Variants in SERGEF observed in about 807,000 individuals in gnomAD.
The protein encoded by SERGEF is secretion regulating guanine nucleotide exchange factor.
A neutral mutation model predicts 50.0 loss-of-function variants in SERGEF; 51 were observed. That is an observed-to-expected ratio of 1.02 (90% CI 0.81 to 1.29). The LOEUF (loss-of-function observed/expected upper bound fraction) is 1.29. Ranked by LOEUF, SERGEF falls within the 50% of genes most tolerant of loss-of-function variation. The pLI is 0.00. For missense variants in SERGEF, 521 were observed against 557.0 expected, an observed-to-expected ratio of 0.94 and a Z score of 0.65; for synonymous variants, 205 against 212.4, an observed-to-expected ratio of 0.97 and a Z score of 0.30.
At chr11:17,850,724 C>G (rs1850695721) in intron 10 of SERGEF, among the ~76,000 whole-genome samples, 1 of 152,204 alleles carries the variant, frequency 6.6e-6, no homozygotes, top group Non-Finnish European at 1.5e-5. Flanking sequence ...TCATGGCTCC[C>G]TGGGATATTT....
At chr11:18,010,072 T>C (rs182372044) in intron 1 of SERGEF, 583 of 1,177,466 alleles carry the variant, frequency 5.0e-4, no homozygotes, top group Non-Finnish European at 6.2e-4. Flanking sequence ...TTCAAGTACC[T>C]ACTCCTAGCT....
At chr11:17,867,061 G>A (rs972734981) in intron 10 of SERGEF, among the ~76,000 whole-genome samples, 7 of 152,120 alleles carry the variant, frequency 4.6e-5, no homozygotes, top group South Asian at 2.1e-4. Flanking sequence ...ATATCATTCT[G>A]CCCCTGGCCC....
At chr11:17,971,533 A>G (rs1324990865) in intron 8 of SERGEF, among the ~76,000 whole-genome samples, 1 of 152,208 alleles carries the variant, frequency 6.6e-6, no homozygotes, top group Non-Finnish European at 1.5e-5. Flanking sequence ...ACATCTGTTT[A>G]TAGCATGGTT....
At chr11:17,961,099 T>C (rs781669219) in intron 8 of SERGEF, among the ~76,000 whole-genome samples, 10 of 152,186 alleles carry the variant, frequency 6.6e-5, no homozygotes, top group African/African-American at 1.7e-4. Flanking sequence ...ACCTTTATCA[T>C]TGTACTCATC....
chr11:17,823,253 G>A (rs912447296), intron 10 of SERGEF, among the ~76,000 whole-genome samples: 1 of 152,162 alleles, frequency 6.6e-6, no homozygotes, highest in Non-Finnish European at 1.5e-5. Context: ...AGACCACAGA[G>A]GTGAAGTGTC....
intron 9 of SERGEF, among the ~76,000 whole-genome samples, chr11:17,885,340 G>T (rs557577697): frequency 6.6e-6 from 1 of 152,234 alleles, no homozygotes; most frequent in Non-Finnish European, 1.5e-5. Context: ...TTTGTTTTTA[G>T]AGACAGGGTC....
At chr11:17,805,172 T>C (rs186345774) in intron 10 of SERGEF, among the ~76,000 whole-genome samples, 1 of 152,338 alleles carries the variant, frequency 6.6e-6, no homozygotes, top group Non-Finnish European at 1.5e-5. Context: ...TCCATGGCAG[T>C]GTGGGGCTGA....
At chr11:17,840,868 G>A (rs928652276) in intron 10 of SERGEF, among the ~76,000 whole-genome samples, 1 of 152,254 alleles carries the variant, frequency 6.6e-6, no homozygotes, top group Non-Finnish European at 1.5e-5. Flanking sequence ...TTGACATTGT[G>A]TCTACCATAT....
At chr11:17,821,989 C>G (rs1850095064) in intron 10 of SERGEF, among the ~76,000 whole-genome samples, 2 of 152,172 alleles carry the variant, frequency 1.3e-5, no homozygotes, top group Non-Finnish European at 2.9e-5. Flanking sequence ...CAGAAATAAG[C>G]CTACAGGATC....
intron 1 of SERGEF, chr11:18,012,728 C>T (rs1220880982): frequency 3.0e-6 from 4 of 1,330,738 alleles, no homozygotes; most frequent in Middle Eastern, 2.6e-4. Context: ...CCGGCCCTGA[C>T]CCCGCCAGCC....
At chr11:17,964,495 TC>T (rs1853078545) in intron 8 of SERGEF, among the ~76,000 whole-genome samples, 1 of 152,180 alleles carries the variant, frequency 6.6e-6, no homozygotes, top group Non-Finnish European at 1.5e-5. Flanking sequence ...TAGAGGATCA[TC>T]CATATTTTCT....
chr11:17,924,749 T>C (rs1852219154), intron 9 of SERGEF, among the ~76,000 whole-genome samples: 1 of 151,978 alleles, frequency 6.6e-6, no homozygotes, highest in African/African-American at 2.4e-5. Flanking sequence ...AGAAACTGAG[T>C]CTCAGAAAAA....
intron 10 of SERGEF, among the ~76,000 whole-genome samples, chr11:17,860,078 T>C (rs1020846203): frequency 1.3e-5 from 2 of 152,174 alleles, no homozygotes; most frequent in African/African-American, 4.8e-5. Flanking sequence ...ACAGAAAGGC[T>C]GAACCCCAGA....
intron 9 of SERGEF, among the ~76,000 whole-genome samples, chr11:17,895,089 T>C (rs1434234547): frequency 6.6e-6 from 1 of 152,208 alleles, no homozygotes; most frequent in African/African-American, 2.4e-5. Context: ...TCTTTGCCTT[T>C]GCTGCAGCTG....
intron 9 of SERGEF, among the ~76,000 whole-genome samples, chr11:17,945,916 T>C (rs1223637705): frequency 2.0e-5 from 3 of 151,252 alleles, no homozygotes; most frequent in African/African-American, 7.3e-5. Context: ...AGGCAGAGGT[T>C]GCAGTGAGCC....
intron 10 of SERGEF, among the ~76,000 whole-genome samples, chr11:17,873,160 G>C (rs536537300): frequency 2.0e-5 from 3 of 152,184 alleles, no homozygotes; most frequent in South Asian, 2.1e-4. Flanking sequence ...AGGCAGCATC[G>C]GTCCACAGGC....
intron 10 of SERGEF, among the ~76,000 whole-genome samples, chr11:17,795,625 G>A (rs576449292): frequency 3.3e-5 from 5 of 152,318 alleles, no homozygotes; most frequent in African/African-American, 1.2e-4. Flanking sequence ...CAGCCCCACA[G>A]GCTTGCTGTC....
chr11:17,902,515 G>C (rs990674038), intron 9 of SERGEF, among the ~76,000 whole-genome samples: 1 of 152,162 alleles, frequency 6.6e-6, no homozygotes, highest in African/African-American at 2.4e-5. Context: ...TCATCAAGCT[G>C]AATCACAGAG....
chr11:17,836,264 A>G (rs1388771919), intron 10 of SERGEF, among the ~76,000 whole-genome samples: 1 of 152,236 alleles, frequency 6.6e-6, no homozygotes, highest in African/African-American at 2.4e-5. Context: ...TCTGTTCAGA[A>G]GAGCTTCCTG....
Sources: gnomAD v4.1 joint callset for allele counts (sites outside exome capture counted in the v4.1 genomes callset) on GRCh38, gnomAD v4.1.1 for gene constraint, MANE v1.5 for transcripts, NCBI Gene and HGNC (gene_info 2026-07-23, HGNC 2026-07-21) for gene names.